The following KIAA1614 variants were observed in gnomAD, a reference collection of about 807,000 sequenced individuals.
KIAA1614 encodes uncharacterized protein KIAA1614.
A neutral mutation model predicts 88.7 loss-of-function variants in KIAA1614; 76 were observed. The observed-to-expected ratio is 0.86, with a 90% CI of 0.71 to 1.04. KIAA1614 has a LOEUF of 1.04. KIAA1614 is among the 50% of genes least tolerant of loss of function. The pLI is 0.00. For missense variants in KIAA1614, 1,553 were observed against 1,582.5 expected (o/e 0.98, Z 0.32); for synonymous variants, 714 against 675.5 (o/e 1.06, Z -0.88).
Position 180,916,630 on chromosome 1 carries a change from G to A in KIAA1614, c.527G>A (p.Gly176Glu). Reference protein sequence around the residue: ...GPRLPRPPAPGREYCNRGSPW... With the variant: ...GPRLPRPPAPEREYCNRGSPW... The stretch of plus-strand genomic sequence containing the variant: ...AGGCTTCCCAGGCCGCCTGCCCCTG[G>A]ACGTGAGTACTGCAACAGGGGGAGC... The change falls in exon 2 of 9, where the codon GGA (glycine) becomes GAA (glutamate). Residue 176 changes from glycine to glutamate, a missense_variant. Transcript: ENST00000367588. 4 of 1,602,260 alleles carry A rather than the reference G, an allele frequency of 2.5e-6. No individual in the cohort carries two copies. The highest frequency in any genetic ancestry group is 3.4e-6 in the Non-Finnish European group (4 of 1,173,298).
intron 6 of KIAA1614, 40 bp from the exon 7 acceptor site, chr1:180,941,005 G>GGGCC: frequency 1.1e-5 from 1 of 87,412 alleles, no homozygotes; most frequent in Non-Finnish European, 1.9e-5. Context: ...CCACCCTCCC[G>GGGCC]GCCCTCCCCC....
At chr1:180,914,375 T>C (rs771755025) in intron 1 of KIAA1614, among the ~76,000 whole-genome samples, 1 of 152,166 alleles carries the variant, frequency 6.6e-6, no homozygotes, top group Non-Finnish European at 1.5e-5. Flanking sequence ...ACATTATCAT[T>C]TACAGAATAA....
Position 180,935,873 on chromosome 1 carries a change from G to C in KIAA1614, c.1964G>C (p.Arg655Pro), listed in dbSNP as rs761832211. 4.3e-6 allele frequency: 7 copies of C among 1,613,836 alleles called. No individual in the cohort carries two copies. The highest frequency in any genetic ancestry group is 5.9e-6 in the Non-Finnish European group (7 of 1,179,920). Residue 655 changes from arginine to proline, a missense_variant, in exon 5 of 9, where the codon CGA becomes CCA. Arg to Pro is a moderately radical substitution (Grantham distance 103). Transcript: ENST00000367588. This position sits in a 1 kb window ranked among gnomAD's most constrained non-coding sequence, Gnocchi z 6.1. ...PRLRLRGSRP[R>P]GHRWSKKAEA... ...CTGCGACTGCGGGGCTCCAGGCCTCGAGGCCACAGGTGGTCCAAGAAGGCT... is the reference window on the plus strand; with the variant it reads ...CTGCGACTGCGGGGCTCCAGGCCTCCAGGCCACAGGTGGTCCAAGAAGGCT...
At chr1:180,943,154 G>A (rs1409417720) in intron 7 of KIAA1614, among the ~76,000 whole-genome samples, 1 of 152,014 alleles carries the variant, frequency 6.6e-6, no homozygotes, top group Admixed American at 6.6e-5. Context: ...AGCCTCCTGA[G>A]TAGTTGAGAG....
Position 180,945,587 on chromosome 1 carries a change from G to A in KIAA1614, c.3572G>A (p.Ter1191=). The A allele has an allele frequency of 6.2e-7, 1 of 1,608,512 alleles. No individual in the cohort carries two copies. Among genetic ancestry groups the A allele is most frequent in the Non-Finnish European group, 8.5e-7 (1 of 1,178,518 alleles). ...LWSEAFLVFG[*] is the part of the protein sequence containing the mutation. ...TCAGAGGCTTTTCTGGTCTTTGGCTGAGCCGTGCAGCTCTGGGAATTCAGA... is the reference window on the plus strand; with the variant it reads ...TCAGAGGCTTTTCTGGTCTTTGGCTAAGCCGTGCAGCTCTGGGAATTCAGA... The change falls in exon 9 of 9, where the codon TGA becomes TAA. Residue 1191 remains the stop codon, a stop_retained_variant. Transcript: ENST00000367588.
At chr1:180,931,233 C>A (rs1434561013) in intron 4 of KIAA1614, among the ~76,000 whole-genome samples, 1 of 152,212 alleles carries the variant, frequency 6.6e-6, no homozygotes, top group Non-Finnish European at 1.5e-5. Context: ...GGCAGGAGGA[C>A]AGGACATGTC....
chr1:180,944,886 G>A, intron 8 of KIAA1614: 1 of 255,296 alleles, frequency 3.9e-6, no homozygotes, highest in Non-Finnish European at 7.4e-6. Context: ...AGAGGCCCGT[G>A]ACCCATGACC....
intron 7 of KIAA1614, among the ~76,000 whole-genome samples, chr1:180,943,039 T>G (rs200148860): frequency 2.4e-5 from 1 of 41,284 alleles, no homozygotes; most frequent in Non-Finnish European, 4.2e-5. Flanking sequence ...TTTTTTTTTT[T>G]TTTTTAAGAT....
At chr1:180,918,368 A>C (rs1571283393) in intron 3 of KIAA1614, among the ~76,000 whole-genome samples, 1 of 152,156 alleles carries the variant, frequency 6.6e-6, no homozygotes, top group Non-Finnish European at 1.5e-5. Flanking sequence ...ATCATGTCAA[A>C]GATTTCACCT....
intron 3 of KIAA1614, among the ~76,000 whole-genome samples, chr1:180,926,106 CTCT>C (rs1209975742): frequency 6.6e-6 from 1 of 152,220 alleles, no homozygotes; most frequent in Non-Finnish European, 1.5e-5. Context: ...AAAAAGCCGT[CTCT>C]TCTTAGGCAG....
chr1:180,936,410 G>A lies in KIAA1614; in HGVS notation c.2501G>A (p.Gly834Asp). The change falls in exon 5 of 9, where the codon GGT (glycine) becomes GAT (aspartate). Residue 834 changes from glycine to aspartate, a missense_variant. Coordinates refer to ENST00000367588, the MANE Select transcript of KIAA1614 (RefSeq NM_020950.2). ...KAALAGLLRLGDQTEPVGIPR... is the reference protein window; with the variant it reads ...KAALAGLLRLDDQTEPVGIPR... ...GCCCTGGCTGGACTGCTCAGGCTGG[G>A]TGACCAGACAGAGCCTGTGGGTATC... is the stretch of plus-strand genomic sequence containing the variant. 1 of 1,614,220 alleles carries A rather than the reference G, an allele frequency of 6.2e-7. No homozygotes were observed. Among genetic ancestry groups the A allele is most frequent in the Non-Finnish European group, 8.5e-7 (1 of 1,180,032 alleles).
chr1:180,934,622 AG>A (rs1183008601), intron 4 of KIAA1614, among the ~76,000 whole-genome samples: 2 of 152,194 alleles, frequency 1.3e-5, no homozygotes, highest in Non-Finnish European at 2.9e-5. Flanking sequence ...CTCTGACTTC[AG>A]TTCTCACACA....
intron 7 of KIAA1614, among the ~76,000 whole-genome samples, chr1:180,942,603 A>G (rs1342941799): frequency 6.6e-6 from 1 of 152,216 alleles, no homozygotes; most frequent in Non-Finnish European, 1.5e-5. Flanking sequence ...CGCCGCAGAT[A>G]TTGAAGCTGG....
rs1355179483 is a variant in KIAA1614, at chr1:180,947,992, T to C, written c.*2404T>C. The C allele has an allele frequency of 6.6e-6, 1 of 152,142 alleles. No individual in the cohort carries two copies. The highest frequency in any genetic ancestry group is 1.5e-5 in the Non-Finnish European group (1 of 68,050). 9.4% of individuals were successfully genotyped at this position (152,142 alleles called of 1,614,324 possible). On this transcript the variant is annotated 3_prime_UTR_variant, in exon 9 of 9. Transcript: ENST00000367588. ...ACCCTCCCCCAGAGTCCCTTTTTGC[T>C]CCCTTGTAGGCAGTGGGAGCCCCTC...
rs566376477 is a variant in KIAA1614 at position 180,950,207 on chromosome 1, A to G, written c.*4619A>G. ...GGGGTGTGTGTATGTGTGCATGCGC[A>G]CAGAGAAGTGCCTGGTATGAGCACC... On this transcript the variant is annotated 3_prime_UTR_variant, in exon 9 of 9. Transcript: ENST00000367588. 1 of 414,006 alleles carries G rather than the reference A, an allele frequency of 2.4e-6. No individual in the cohort carries two copies. Among genetic ancestry groups the G allele is most frequent in the African/African-American group, 2.2e-5 (1 of 45,804 alleles). 25.6% of individuals were successfully genotyped at this position (414,006 alleles called of 1,614,324 possible).
In KIAA1614 at chr1:180,935,369, C is replaced by T. The variant is rs1436880319; in HGVS notation, c.1460C>T (p.Pro487Leu). The T allele has an allele frequency of 2.0e-6, 3 of 1,463,882 alleles. No individual in the cohort carries two copies. The South Asian group carries it at 4.3e-5, about 21-fold the overall frequency. 90.7% of individuals were successfully genotyped at this position (1,463,882 alleles called of 1,614,324 possible). Residue 487 changes from proline to leucine, a missense_variant, in exon 5 of 9, where the codon CCC becomes CTC. Physicochemically the swap from Pro to Leu is moderately conservative, Grantham distance 98. Transcript: ENST00000367588. This position sits in a 1 kb window ranked among gnomAD's most constrained non-coding sequence, Gnocchi z 6.1. ...GTGTTGCAGGCCGCGGACCAGGGCC[C>T]CCTGCGCTCCAAGCCCGACCTCGCC... ...STVLQAADQG[P>L]LRSKPDLADY...
chr1:180,935,160 C>T lies in KIAA1614; in HGVS notation c.1251C>T (p.Ala417=), dbSNP rs2102269304. Residue 417 remains alanine (A), a synonymous_variant, in exon 5 of 9, where the codon GCC becomes GCT. Coordinates refer to ENST00000367588, the MANE Select transcript of KIAA1614 (RefSeq NM_020950.2). The surrounding 1 kb of genome is among the most constrained non-coding windows in gnomAD (Gnocchi z 6.1). ...SPARDPRTTP[A]CRDSLQNGHT... ...CCCGGGACCCCAGGACGACCCCTGC[C>T]TGCAGAGACAGCCTCCAGAACGGGC... 2.7e-6 allele frequency: 4 copies of T among 1,462,448 alleles called. No homozygotes were observed. The highest frequency in any genetic ancestry group is 3.6e-6 in the Non-Finnish European group (4 of 1,107,690). The allele number at this position is 1,462,448 out of a possible 1,614,324, so 90.6% of individuals were successfully genotyped here. A position where few individuals can be genotyped will look rare whatever the true frequency, so the allele number is the denominator to read the frequency against.
intron 6 of KIAA1614, 71 bp from the exon 7 acceptor site, chr1:180,940,974 C>T: frequency 7.3e-7 from 1 of 1,376,042 alleles, no homozygotes; most frequent in Non-Finnish European, 9.9e-7. Flanking sequence ...TTGAGATGGC[C>T]CCAGGGTACA....
In KIAA1614 at chr1:180,936,563, C is replaced by T; in HGVS notation, c.2654C>T (p.Ala885Val). ...TCCACCAACAACTGCAACAACAGCGCACCTCGGGGGCTGCAGGAGCCCTAC... is the reference window on the plus strand; with the variant it reads ...TCCACCAACAACTGCAACAACAGCGTACCTCGGGGGCTGCAGGAGCCCTAC... ...ALSTNNCNNSAPRGLQEPYGG... is the reference protein window; with the variant it reads ...ALSTNNCNNSVPRGLQEPYGG... Residue 885 changes from alanine (A) to valine (V), a missense_variant, in exon 5 of 9, where the codon GCA becomes GTA. By Grantham distance (64) the Ala-to-Val change is moderately conservative. Coordinates refer to ENST00000367588, the MANE Select transcript of KIAA1614 (RefSeq NM_020950.2). 6.2e-7 allele frequency: 1 copy of T among 1,613,730 alleles called. No homozygotes were observed. Among genetic ancestry groups the T allele is most frequent in the South Asian group, 1.1e-5 (1 of 91,040 alleles).
Sources: gnomAD v4.1 joint callset for allele counts (sites outside exome capture counted in the v4.1 genomes callset) on GRCh38, gnomAD v4.1.1 for gene constraint, Gnocchi (gnomAD v3.1) non-coding constraint, MANE v1.5 for transcripts, NCBI Gene and HGNC (gene_info 2026-07-23, HGNC 2026-07-21) for gene names.